ZNF644: variants seen among roughly 807,000 people sequenced by gnomAD.
The protein encoded by ZNF644 is zinc finger protein 644.
In ZNF644, 20 loss-of-function variants were observed where a neutral mutation model predicts 108.0. That is an observed-to-expected ratio of 0.19 (90% CI 0.13 to 0.27). ZNF644 has a LOEUF of 0.27. Ranked by LOEUF, ZNF644 falls within the 10% of genes least tolerant of loss-of-function variation. The pLI is 1.00. For synonymous variants in ZNF644, 542 were observed against 539.1 expected (o/e 1.01, Z -0.08); for missense variants, 1,338 against 1,548.9 (o/e 0.86, Z 2.29).
chr1:90,931,943 A>C (rs1650775876), intron 4 of ZNF644, among the ~76,000 whole-genome samples: 1 of 152,160 alleles, frequency 6.6e-6, no homozygotes, highest in South Asian at 2.1e-4. Flanking sequence ...GGAGATACGC[A>C]AAGTCTATAC....
chr1:90,918,830 TAA>T (rs201840534), intron 4 of ZNF644, among the ~76,000 whole-genome samples: 1,796 of 152,254 alleles, frequency 0.012, 16 homozygotes, highest in South Asian at 0.021. Flanking sequence ...TGCAATCATA[TAA>T]GTTTTATTTT....
intron 2 of ZNF644, among the ~76,000 whole-genome samples, chr1:90,973,823 A>T (rs1194500189): frequency 6.6e-6 from 1 of 152,164 alleles, no homozygotes; most frequent in Non-Finnish European, 1.5e-5. Context: ...TCAGTTTGCA[A>T]TCATAAATAT....
intron 2 of ZNF644, among the ~76,000 whole-genome samples, chr1:90,975,439 T>C (rs899773347): frequency 6.9e-6 from 1 of 144,268 alleles, no homozygotes; most frequent in Non-Finnish European, 1.6e-5. Context: ...ATATCTACTT[T>C]TTTTTTTTTT....
chr1:90,931,377 A>G (rs927212194), intron 4 of ZNF644, among the ~76,000 whole-genome samples: 5 of 151,524 alleles, frequency 3.3e-5, no homozygotes, highest in Non-Finnish European at 7.4e-5. Context: ...TCTCAAAAAA[A>G]AAAAAAACCC....
chr1:90,980,529 A>G (rs1656442823), intron 2 of ZNF644, among the ~76,000 whole-genome samples: 1 of 152,238 alleles, frequency 6.6e-6, no homozygotes, highest in Non-Finnish European at 1.5e-5. Flanking sequence ...TAAAAAAGTT[A>G]GCAAGTAGGA....
intron 1 of ZNF644, among the ~76,000 whole-genome samples, chr1:90,983,917 G>C (rs1656830977): frequency 6.6e-6 from 1 of 152,112 alleles, no homozygotes; most frequent in African/African-American, 2.4e-5. Flanking sequence ...AACAGAGCAA[G>C]ACTCTGTCTC....
At chr1:90,993,847 A>G (rs1181845744) in intron 1 of ZNF644, among the ~76,000 whole-genome samples, 1 of 152,230 alleles carries the variant, frequency 6.6e-6, no homozygotes, top group Non-Finnish European at 1.5e-5. Context: ...GAAATTTTTC[A>G]GGACACTCCA....
intron 1 of ZNF644, among the ~76,000 whole-genome samples, chr1:91,013,449 TCTCA>T (rs750762935): frequency 0.011 from 1,091 of 96,342 alleles, 7 homozygotes; most frequent in South Asian, 0.035. Flanking sequence ...CCAATCTCTC[TCTCA>T]CACACACACA....
intron 2 of ZNF644, among the ~76,000 whole-genome samples, chr1:90,943,050 A>T (rs1479761937): frequency 6.6e-6 from 1 of 152,216 alleles, no homozygotes; most frequent in Non-Finnish European, 1.5e-5. Context: ...TAACATTTAG[A>T]AATCAAAACA....
chr1:90,917,979 C>G (rs1648988859), intron 5 of ZNF644, 73 bp downstream of exon 5: 1 of 1,291,748 alleles, frequency 7.7e-7, no homozygotes, highest in Non-Finnish European at 1.1e-6. Flanking sequence ...TTAAAAATCC[C>G]AAATGAAATA....
chr1:90,916,638 A>C lies in ZNF644; in HGVS notation c.*160T>G. 1 of 736,870 alleles carries C rather than the reference A, an allele frequency of 1.4e-6. No homozygotes were observed. The allele number at this position is 736,870 out of a possible 1,614,324, so 45.6% of individuals were successfully genotyped here. A position where few individuals can be genotyped will look rare whatever the true frequency, so the allele number is the denominator to read the frequency against. ...CCTATATAAAATATATAGACTACTT[A>C]CTGTTTTAAGTATTCAATTTGCTCT... On this transcript the variant is annotated 3_prime_UTR_variant, in exon 6 of 6. Coordinates refer to ENST00000337393, the MANE Select transcript of ZNF644 (RefSeq NM_201269.3).
rs1651629783 is a variant in ZNF644, at chr1:90,938,810, T to C, written c.2544A>G (p.Glu848=). The C allele has an allele frequency of 5.0e-6, 8 of 1,613,748 alleles. No homozygotes were observed. Among genetic ancestry groups the C allele is most frequent in the Non-Finnish European group, 6.8e-6 (8 of 1,179,924 alleles). ...VVVLQKLNSA[E]KKDSYETEDE... ...CTTCTGTTTCATAACTATCTTTCTT[T>C]TCAGCAGAATTAAGTTTTTGCAAAA... The change falls in exon 3 of 6, where the codon GAA becomes GAG. Residue 848 remains glutamate, a synonymous_variant. Coordinates refer to ENST00000337393, the MANE Select transcript of ZNF644 (RefSeq NM_201269.3). This position sits in a 1 kb window ranked among gnomAD's most constrained non-coding sequence, Gnocchi z 4.2.
intron 4 of ZNF644, among the ~76,000 whole-genome samples, chr1:90,927,051 C>T (rs1195066826): frequency 6.6e-6 from 1 of 152,134 alleles, no homozygotes; most frequent in Non-Finnish European, 1.5e-5. Context: ...CCACCTTGCT[C>T]CCTCTTTCAG....
intron 2 of ZNF644, among the ~76,000 whole-genome samples, chr1:90,960,784 A>C (rs1654261625): frequency 6.6e-6 from 1 of 152,166 alleles, no homozygotes; most frequent in Admixed American, 6.6e-5. Context: ...AATGTGCTCA[A>C]CTACAGGTGT....
chr1:90,968,060 CAA>C (rs763728133), intron 2 of ZNF644, among the ~76,000 whole-genome samples: 1,095 of 67,180 alleles, frequency 0.016, 5 homozygotes, highest in African/African-American at 0.065. Context: ...GACTCCGTCT[CAA>C]AAAAAAAAAA....
chr1:90,934,247 T>G (rs1651076707), intron 4 of ZNF644, among the ~76,000 whole-genome samples: 1 of 152,118 alleles, frequency 6.6e-6, no homozygotes, highest in Admixed American at 6.6e-5. Flanking sequence ...TATATCAAGT[T>G]AAGGAAGAAT....
chr1:90,987,102 A>G (rs1267370449), intron 1 of ZNF644, among the ~76,000 whole-genome samples: 3 of 150,720 alleles, frequency 2.0e-5, no homozygotes, highest in Admixed American at 6.6e-5. Context: ...ACCTAACTTT[A>G]TATCTCAAGG....
chr1:90,952,775 G>A (rs1342790750), intron 2 of ZNF644, among the ~76,000 whole-genome samples: 1 of 152,050 alleles, frequency 6.6e-6, no homozygotes, highest in Non-Finnish European at 1.5e-5. Flanking sequence ...AAGGAAAGAA[G>A]AGAGAATATA....
intron 2 of ZNF644, among the ~76,000 whole-genome samples, chr1:90,952,209 CT>C (rs1308701295): frequency 1.3e-5 from 2 of 152,172 alleles, no homozygotes; most frequent in South Asian, 2.1e-4. Flanking sequence ...TAAAGACTGG[CT>C]TTGTTAAATG....
Sources: gnomAD v4.1 joint callset for allele counts (sites outside exome capture counted in the v4.1 genomes callset) on GRCh38, gnomAD v4.1.1 for gene constraint, Gnocchi (gnomAD v3.1) non-coding constraint, MANE v1.5 for transcripts, NCBI Gene and HGNC (gene_info 2026-07-23, HGNC 2026-07-21) for gene names.